TMEM233: variants seen among roughly 807,000 people sequenced by gnomAD.
TMEM233 encodes the protein dispanin subfamily B member 2.
A neutral mutation model predicts 11.2 loss-of-function variants in TMEM233; 6 were observed. The observed-to-expected ratio is 0.54, with a 90% CI of 0.29 to 1.06. The LOEUF is 1.06. Among genes scored for constraint, TMEM233 ranks in the 50% least tolerant of loss-of-function variants. The pLI is 0.08. For synonymous variants in TMEM233, 59 were observed against 55.8 expected (o/e 1.06, Z -0.26); for missense variants, 127 against 144.7 (o/e 0.88, Z 0.63).
downstream of TMEM233, among the ~76,000 whole-genome samples, chr12:119,645,790 G>C (rs947065607): frequency 2.0e-5 from 3 of 152,096 alleles, no homozygotes; most frequent in Non-Finnish European, 4.4e-5. Context: ...ACCCACACTG[G>C]TTCACTGATG....
chr12:119,631,876 T>A (rs1593308216), intron 2 of TMEM233, among the ~76,000 whole-genome samples: 1 of 152,216 alleles, frequency 6.6e-6, no homozygotes, highest in East Asian at 1.9e-4. Flanking sequence ...TAGGTTGGTG[T>A]CTCTGTTCTT....
intron 1 of TMEM233, among the ~76,000 whole-genome samples, chr12:119,601,537 A>G (rs1440863952): frequency 6.6e-6 from 1 of 152,044 alleles, no homozygotes. Flanking sequence ...GGGCGCCTGT[A>G]GTCCCAGCTA....
chr12:119,646,274 G>A (rs1955151828), downstream of TMEM233, among the ~76,000 whole-genome samples: 1 of 152,124 alleles, frequency 6.6e-6, no homozygotes, highest in African/African-American at 2.4e-5. Context: ...GGCCGGGCTG[G>A]TCTCGAACTC....
chr12:119,609,971 G>T (rs1176799720), intron 1 of TMEM233, among the ~76,000 whole-genome samples: 2 of 152,160 alleles, frequency 1.3e-5, no homozygotes, highest in Non-Finnish European at 2.9e-5. Context: ...TCCATCAATA[G>T]CTTGCACCAT....
intron 2 of TMEM233, among the ~76,000 whole-genome samples, chr12:119,638,425 T>C (rs750380590): frequency 6.0e-4 from 91 of 152,264 alleles, no homozygotes; most frequent in Admixed American, 1.8e-3. Context: ...ATTGTGCCAC[T>C]GTACTCCAGC....
chr12:119,622,972 T>G (rs1954673051), intron 1 of TMEM233, among the ~76,000 whole-genome samples: 1 of 151,906 alleles, frequency 6.6e-6, no homozygotes, highest in Admixed American at 6.6e-5. Flanking sequence ...GATGCCAGAG[T>G]GGCAGCAGGT....
chr12:119,605,541 A>G (rs116190497), intron 1 of TMEM233, among the ~76,000 whole-genome samples: 2,204 of 145,626 alleles, frequency 0.015, 64 homozygotes, highest in African/African-American at 0.053. Flanking sequence ...CGATCCTCCC[A>G]GTTCAGCCTC....
intron 2 of TMEM233, among the ~76,000 whole-genome samples, chr12:119,638,080 C>T (rs1955002065): frequency 6.6e-6 from 1 of 152,206 alleles, no homozygotes; most frequent in Admixed American, 6.5e-5. Context: ...TCAGTATCCA[C>T]CTTAGAGACA....
At chr12:119,607,403 G>T (rs576263849) in intron 1 of TMEM233, among the ~76,000 whole-genome samples, 1 of 152,246 alleles carries the variant, frequency 6.6e-6, no homozygotes, top group East Asian at 1.9e-4. Context: ...AGGGATTGTT[G>T]TCTGAATTAA....
chr12:119,628,024 C>T lies in TMEM233; in HGVS notation c.187-1712C>T, dbSNP rs186895292. On this transcript the variant is annotated intron_variant, in intron 1 of 2. Transcript: ENST00000426426. ...TTAAAAGTGAGTATAAATCTGACTGCAGCACTGCCCTGAGCTGCTGCTCTC... is the reference window on the plus strand; with the variant it reads ...TTAAAAGTGAGTATAAATCTGACTGTAGCACTGCCCTGAGCTGCTGCTCTC... Among the ~76,000 whole-genome samples, 674 of 152,340 alleles carry T rather than the reference C, an allele frequency of 4.4e-3. 3 individuals carry two copies. Among genetic ancestry groups the T allele is most frequent in the African/African-American group, 0.015 (635 of 41,582 alleles).
chr12:119,641,705 G>A lies in TMEM233; in HGVS notation c.*1000G>A, dbSNP rs566895910. The stretch of plus-strand genomic sequence containing the variant: ...CAGTGTCTCACAGAGCACAAGGGGT[G>A]TGCCACTGGTGGTACACAAGATAAT... On this transcript the variant is annotated 3_prime_UTR_variant, in exon 3 of 3. Coordinates refer to ENST00000426426, the MANE Select transcript of TMEM233 (RefSeq NM_001136534.3). The A allele has an allele frequency of 5.3e-5, 8 of 152,316 alleles. No homozygotes were observed. The East Asian group carries it at 1.5e-3, about 29-fold the overall frequency. 9.4% of individuals were successfully genotyped at this position (152,316 alleles called of 1,614,324 possible).
rs571378645 is a variant in TMEM233, at chr12:119,634,788, C to T, written c.323+4916C>T. ...GTTGAAATCCCGGGTAGTTTACTTC[C>T]TTGGCGTAGTCTCAGATCATGATAG... On this transcript the variant is annotated intron_variant, in intron 2 of 2. Coordinates refer to ENST00000426426, the MANE Select transcript of TMEM233 (RefSeq NM_001136534.3). Among the ~76,000 whole-genome samples the T allele has an allele frequency of 2.0e-5, 3 of 152,236 alleles. No homozygotes were observed. In the East Asian group the frequency reaches 5.8e-4, roughly 29 times the overall value.
At chr12:119,600,192 CA>C (rs55708484) in intron 1 of TMEM233, among the ~76,000 whole-genome samples, 86,766 of 117,938 alleles carry the variant, frequency 0.74, 29,471 homozygotes, top group Middle Eastern at 0.81. Flanking sequence ...CTGCAGTTTA[CA>C]AAAAAAAAAA....
At chr12:119,599,071 T>C (rs1033383390) in intron 1 of TMEM233, among the ~76,000 whole-genome samples, 3 of 152,158 alleles carry the variant, frequency 2.0e-5, no homozygotes, top group African/African-American at 7.2e-5. Flanking sequence ...GGAATAAAAA[T>C]TTGTTGCAGC....
chr12:119,622,368 T>A (rs1214252607), intron 1 of TMEM233, among the ~76,000 whole-genome samples: 1 of 152,228 alleles, frequency 6.6e-6, no homozygotes, highest in African/African-American at 2.4e-5. Flanking sequence ...ACAAATTGCA[T>A]TAGTAATTTT....
At chr12:119,620,717 C>G (rs1334441265) in intron 1 of TMEM233, among the ~76,000 whole-genome samples, 1 of 152,054 alleles carries the variant, frequency 6.6e-6, no homozygotes, top group African/African-American at 2.4e-5. Context: ...GATGTAACAT[C>G]AGGAAGTCTA....
intron 1 of TMEM233, among the ~76,000 whole-genome samples, chr12:119,620,438 C>T (rs183488239): frequency 9.6e-4 from 146 of 152,226 alleles, no homozygotes; most frequent in Non-Finnish European, 1.5e-3. Flanking sequence ...GAGGCTCAAA[C>T]GTATGCAAAA....
At chr12:119,636,268 T>C (rs1954967753) in intron 2 of TMEM233, among the ~76,000 whole-genome samples, 1 of 151,986 alleles carries the variant, frequency 6.6e-6, no homozygotes, top group African/African-American at 2.4e-5. Flanking sequence ...TGTCAGAAAC[T>C]GGAGTCAAAG....
At chr12:119,625,469 AGGTGAT>A (rs1954734232) in intron 1 of TMEM233, among the ~76,000 whole-genome samples, 8 of 151,742 alleles carry the variant, frequency 5.3e-5, no homozygotes, top group African/African-American at 1.9e-4. Context: ...TCGTGGGCTC[AGGTGAT>A]CCTGCCACCT....
Sources: gnomAD v4.1 joint callset for allele counts (sites outside exome capture counted in the v4.1 genomes callset) on GRCh38, gnomAD v4.1.1 for gene constraint, MANE v1.5 for transcripts, NCBI Gene and HGNC (gene_info 2026-07-23, HGNC 2026-07-21) for gene names.